ALK: variants seen among roughly 807,000 people sequenced by gnomAD.
The protein encoded by ALK is ALK receptor tyrosine kinase.
ALK carries 74 observed loss-of-function variants against 163.1 expected under a neutral mutation model. That is an observed-to-expected ratio of 0.45 (90% CI 0.38 to 0.55). The LOEUF (loss-of-function observed/expected upper bound fraction) is 0.55, where lower values mean the gene tolerates loss of function less well. ALK is among the 20% of genes least tolerant of loss of function. The probability of loss-of-function intolerance (pLI) is 0.00; values close to 1 mark genes in which losing one functional copy is unlikely to be tolerated. For missense variants in ALK, 2,063 were observed against 2,105.3 expected (o/e 0.98, Z 0.39); for synonymous variants, 960 against 843.2 (o/e 1.14, Z -2.40).
chr2:29,468,378 C>T (rs867578140), intron 4 of ALK, among the ~76,000 whole-genome samples: 20 of 152,254 alleles, frequency 1.3e-4, no homozygotes, highest in African/African-American at 2.9e-4. Flanking sequence ...ATGAGAACTG[C>T]TGACCTAGAC....
Position 29,353,872 on chromosome 2 carries a change from C to T in ALK, c.1283-25391G>A, listed in dbSNP as rs1221160342. Among the ~76,000 whole-genome samples, 3 of 152,326 alleles carry T rather than the reference C, an allele frequency of 2.0e-5. No homozygotes were observed. In the East Asian group the frequency reaches 5.8e-4, roughly 29 times the overall value. On this transcript the variant is annotated intron_variant, in intron 5 of 28. Transcript: ENST00000389048. ...ACTCTGCTGAATTCTTCATGGACAT[C>T]CCATAAGGAAAACCTTGGTACTTTG...
intron 2 of ALK, among the ~76,000 whole-genome samples, chr2:29,697,603 C>T (rs1290927040): frequency 6.6e-6 from 1 of 152,174 alleles, no homozygotes. Context: ...CCACCTCTTA[C>T]TTCATCCTCT....
intron 4 of ALK, among the ~76,000 whole-genome samples, chr2:29,422,641 C>G (rs1573340388): frequency 1.3e-5 from 2 of 152,242 alleles, no homozygotes; most frequent in East Asian, 3.9e-4. Context: ...CTTTTTGAAA[C>G]TAGTTAGGCA....
intron 1 of ALK, among the ~76,000 whole-genome samples, chr2:29,734,164 C>T (rs898717716): frequency 4.6e-5 from 7 of 152,130 alleles, no homozygotes; most frequent in African/African-American, 9.7e-5. Flanking sequence ...CTCCTTCTAG[C>T]CATGTGTCCA....
At chr2:29,723,869 A>C (rs1679489403) in intron 1 of ALK, among the ~76,000 whole-genome samples, 3 of 152,168 alleles carry the variant, frequency 2.0e-5, no homozygotes. Context: ...AATAATTACA[A>C]CGTCCAGAAA....
At chr2:29,195,131 A>G (rs1029242079) in intron 28 of ALK, among the ~76,000 whole-genome samples, 1 of 152,238 alleles carries the variant, frequency 6.6e-6, no homozygotes, top group Admixed American at 6.5e-5. Flanking sequence ...AGTAATTTCT[A>G]TAGTGAATCA....
At chr2:29,567,769 C>A (rs1674236900) in intron 3 of ALK, among the ~76,000 whole-genome samples, 1 of 152,184 alleles carries the variant, frequency 6.6e-6, no homozygotes, top group South Asian at 2.1e-4. Context: ...CTTCTGAACT[C>A]CCTTTCTAGT....
At chr2:29,303,630 C>G (rs549993557) in intron 8 of ALK, among the ~76,000 whole-genome samples, 1 of 152,296 alleles carries the variant, frequency 6.6e-6, no homozygotes, top group African/African-American at 2.4e-5. Context: ...ATAGAATCAA[C>G]CTACGTGTCC....
chr2:29,719,828 C>A (rs1277979125), intron 1 of ALK, among the ~76,000 whole-genome samples: 3 of 152,108 alleles, frequency 2.0e-5, no homozygotes, highest in South Asian at 2.1e-4. Context: ...GGCAGGGCCC[C>A]CACGACACAA....
intron 4 of ALK, among the ~76,000 whole-genome samples, chr2:29,448,510 T>G (rs923269634): frequency 6.6e-6 from 1 of 152,088 alleles, no homozygotes; most frequent in Non-Finnish European, 1.5e-5. Flanking sequence ...ACAGCTGCAT[T>G]TGCACAGGTT....
intron 11 of ALK, among the ~76,000 whole-genome samples, chr2:29,263,741 T>A (rs1247486512): frequency 2.0e-5 from 3 of 152,096 alleles, no homozygotes. Context: ...TTTGTAACCA[T>A]GAGGCAACAA....
intron 1 of ALK, among the ~76,000 whole-genome samples, chr2:29,825,441 T>C (rs1297442266): frequency 6.6e-6 from 1 of 152,102 alleles, no homozygotes; most frequent in Non-Finnish European, 1.5e-5. Context: ...GAGAAGTAAA[T>C]ATATATCACA....
intron 3 of ALK, among the ~76,000 whole-genome samples, chr2:29,537,095 A>T (rs1321050633): frequency 6.6e-6 from 1 of 152,258 alleles, no homozygotes; most frequent in Non-Finnish European, 1.5e-5. Context: ...CAGACTACTC[A>T]GGTAGTAGAA....
chr2:29,469,624 C>T (rs1339884601), intron 4 of ALK, among the ~76,000 whole-genome samples: 2 of 152,148 alleles, frequency 1.3e-5, no homozygotes, highest in African/African-American at 4.8e-5. Flanking sequence ...AAGTTCCCAG[C>T]CACAAAGGGT....
chr2:29,838,650 G>A (rs1360783346), intron 1 of ALK, among the ~76,000 whole-genome samples: 1 of 152,152 alleles, frequency 6.6e-6, no homozygotes, highest in African/African-American at 2.4e-5. Context: ...TATGATAAGT[G>A]GAAGAAGCCA....
intron 5 of ALK, among the ~76,000 whole-genome samples, chr2:29,330,646 C>A (rs1667411352): frequency 6.6e-6 from 1 of 152,182 alleles, no homozygotes; most frequent in Non-Finnish European, 1.5e-5. Flanking sequence ...GTAAAAGAGG[C>A]TTTGCTGCTG....
chr2:29,352,564 A>C (rs1257311876), intron 5 of ALK, among the ~76,000 whole-genome samples: 1 of 152,264 alleles, frequency 6.6e-6, no homozygotes, highest in Non-Finnish European at 1.5e-5. Context: ...TAGACAGGCA[A>C]CATCCAATTA....
At chr2:29,677,161 C>A (rs1420849849) in intron 3 of ALK, among the ~76,000 whole-genome samples, 1 of 151,398 alleles carries the variant, frequency 6.6e-6, no homozygotes, top group African/African-American at 2.4e-5. Context: ...CCTTTCCAAT[C>A]TGTATATCTG....
intron 4 of ALK, among the ~76,000 whole-genome samples, chr2:29,411,215 G>T (rs562189408): frequency 1.3e-4 from 20 of 152,274 alleles, no homozygotes; most frequent in African/African-American, 4.8e-4. Flanking sequence ...TGTCCCACTG[G>T]AAGGTCTTCA....
Sources: gnomAD v4.1 joint callset for allele counts (sites outside exome capture counted in the v4.1 genomes callset) on GRCh38, gnomAD v4.1.1 for gene constraint, MANE v1.5 for transcripts, NCBI Gene and HGNC (gene_info 2026-07-23, HGNC 2026-07-21) for gene names.